ADAMTS3: variants seen among roughly 807,000 people sequenced by gnomAD.
The protein encoded by ADAMTS3 is ADAM metallopeptidase with thrombospondin type 1 motif 3.
In ADAMTS3, 73 loss-of-function variants were observed where a neutral mutation model predicts 129.0. The observed-to-expected ratio is 0.57, with a 90% CI of 0.47 to 0.69. ADAMTS3 has a LOEUF of 0.69. ADAMTS3 is among the 30% of genes least tolerant of loss of function. The probability of loss-of-function intolerance (pLI) is 0.00; values close to 1 mark genes in which losing one functional copy is unlikely to be tolerated. For synonymous variants in ADAMTS3, 477 were observed against 510.8 expected (o/e 0.93, Z 0.89); for missense variants, 1,457 against 1,514.5 (o/e 0.96, Z 0.63).
chr4:72,493,294 G>A (rs752295934), intron 3 of ADAMTS3, among the ~76,000 whole-genome samples: 1 of 151,814 alleles, frequency 6.6e-6, no homozygotes, highest in Non-Finnish European at 1.5e-5. Context: ...CAGTGGTTTT[G>A]TCTGTCTCAT....
At chr4:72,523,315 A>G (rs926504899) in intron 3 of ADAMTS3, among the ~76,000 whole-genome samples, 4 of 152,082 alleles carry the variant, frequency 2.6e-5, no homozygotes, top group Admixed American at 1.3e-4. Context: ...GAAAAGCATA[A>G]TTTCTAAAGT....
At chr4:72,326,089 G>GA (rs1238239341) in intron 5 of ADAMTS3, among the ~76,000 whole-genome samples, 1 of 152,034 alleles carries the variant, frequency 6.6e-6, no homozygotes, top group Non-Finnish European at 1.5e-5. Context: ...AGGCTAATTA[G>GA]AAAACAGGGT....
chr4:72,509,996 G>A (rs1239998895), intron 3 of ADAMTS3, among the ~76,000 whole-genome samples: 1 of 151,700 alleles, frequency 6.6e-6, no homozygotes, highest in Non-Finnish European at 1.5e-5. Flanking sequence ...CATATCAACA[G>A]GATGAAGAAT....
chr4:72,363,245 G>T (rs1720774152), intron 4 of ADAMTS3, among the ~76,000 whole-genome samples: 1 of 151,974 alleles, frequency 6.6e-6, no homozygotes, highest in Non-Finnish European at 1.5e-5. Flanking sequence ...GAGATAGTAT[G>T]GAAACATAAC....
intron 3 of ADAMTS3, among the ~76,000 whole-genome samples, chr4:72,475,234 T>C (rs1258987015): frequency 6.6e-6 from 1 of 151,856 alleles, no homozygotes; most frequent in Admixed American, 6.6e-5. Context: ...AGATGAAATT[T>C]AAAAGCATAA....
At chr4:72,400,844 T>A (rs1721894797) in intron 4 of ADAMTS3, among the ~76,000 whole-genome samples, 1 of 151,260 alleles carries the variant, frequency 6.6e-6, no homozygotes, top group Admixed American at 6.6e-5. Flanking sequence ...TATATATATG[T>A]GTATATATCT....
At chr4:72,510,912 C>T (rs1034255356) in intron 3 of ADAMTS3, among the ~76,000 whole-genome samples, 3 of 147,928 alleles carry the variant, frequency 2.0e-5, no homozygotes, top group African/African-American at 5.0e-5. Flanking sequence ...CAGCATGATA[C>T]TGGTATAAAA....
At chr4:72,366,937 C>G (rs1720884451) in intron 4 of ADAMTS3, among the ~76,000 whole-genome samples, 1 of 151,874 alleles carries the variant, frequency 6.6e-6, no homozygotes, top group African/African-American at 2.4e-5. Context: ...TCTCTCTTTT[C>G]TCCTTTCTCT....
chr4:72,470,303 C>T (rs1258764712), intron 3 of ADAMTS3, among the ~76,000 whole-genome samples: 1 of 150,348 alleles, frequency 6.7e-6, no homozygotes, highest in East Asian at 2.0e-4. Context: ...TAATCACCAC[C>T]TACCTCTCTG....
chr4:72,333,187 T>C (rs1421766087), intron 5 of ADAMTS3, among the ~76,000 whole-genome samples: 1 of 152,230 alleles, frequency 6.6e-6, no homozygotes, highest in East Asian at 1.9e-4. Flanking sequence ...AAAATGTTAG[T>C]AGTGTAAGCC....
intron 3 of ADAMTS3, among the ~76,000 whole-genome samples, chr4:72,540,205 G>C (rs1201182052): frequency 1.3e-5 from 2 of 152,130 alleles, no homozygotes; most frequent in Non-Finnish European, 2.9e-5. Flanking sequence ...TGAGGAACTT[G>C]TTGGGAACTG....
At chr4:72,483,651 C>T (rs766458876) in intron 3 of ADAMTS3, among the ~76,000 whole-genome samples, 5 of 152,140 alleles carry the variant, frequency 3.3e-5, no homozygotes, top group Admixed American at 1.3e-4. Flanking sequence ...TAGTATCCAA[C>T]CTAGCTGCAA....
intron 3 of ADAMTS3, among the ~76,000 whole-genome samples, chr4:72,529,169 A>G (rs1340324925): frequency 6.6e-6 from 1 of 152,196 alleles, no homozygotes; most frequent in Non-Finnish European, 1.5e-5. Context: ...CAGAGGCAGG[A>G]AAATTTTAAA....
chr4:72,560,930 C>A (rs918880548), intron 2 of ADAMTS3, among the ~76,000 whole-genome samples: 2 of 152,022 alleles, frequency 1.3e-5, no homozygotes, highest in African/African-American at 4.8e-5. Flanking sequence ...AGGTTACCAG[C>A]TAGAAAGCGG....
At chr4:72,316,022 G>A (rs1719387153) in intron 10 of ADAMTS3, 51 bp from the exon 11 acceptor site, 1 of 1,133,232 alleles carries the variant, frequency 8.8e-7, no homozygotes, top group African/African-American at 1.6e-5. Context: ...AGCATGACAT[G>A]CACCAAAAAT....
rs574793623 is a variant in ADAMTS3, at chr4:72,463,181, G to A, written c.505-48210C>T. Among the ~76,000 whole-genome samples, 4 of 152,102 alleles carry A rather than the reference G, an allele frequency of 2.6e-5. 1 individual carries two copies. The South Asian group carries it at 8.3e-4, about 32-fold the overall frequency. On this transcript the variant is annotated intron_variant, in intron 3 of 21. Transcript: ENST00000286657. ...CAGTAACATACTGTACAGGTTTGTA[G>A]CCTAGGATCAATAGACTATAAGGCA... is the stretch of plus-strand genomic sequence containing the variant.
intron 3 of ADAMTS3, among the ~76,000 whole-genome samples, chr4:72,482,669 T>C (rs1719470613): frequency 6.6e-6 from 1 of 152,068 alleles, no homozygotes; most frequent in African/African-American, 2.4e-5. Context: ...CAGAAAAGAG[T>C]ACACTGAATC....
chr4:72,407,752 G>A lies in ADAMTS3; in HGVS notation c.661+7063C>T, dbSNP rs182318037. ...AAAAGCACTGAACAAGTTAGAGTGG[G>A]GGCATGTAAGTGGTTACAGTAGTTC... On this transcript the variant is annotated intron_variant, in intron 4 of 21. Transcript: ENST00000286657. Among the ~76,000 whole-genome samples the A allele has an allele frequency of 2.0e-5, 3 of 152,180 alleles. No homozygotes were observed. The East Asian group carries it at 5.8e-4, about 29-fold the overall frequency.
At chr4:72,418,708 C>G (rs2170411) in intron 3 of ADAMTS3, among the ~76,000 whole-genome samples, 107,966 of 152,128 alleles carry the variant, frequency 0.71, 38,535 homozygotes, top group South Asian at 0.8. Context: ...TAAGCCCAGG[C>G]AGAAGAGACA....
Sources: gnomAD v4.1 joint callset for allele counts (sites outside exome capture counted in the v4.1 genomes callset) on GRCh38, gnomAD v4.1.1 for gene constraint, MANE v1.5 for transcripts, NCBI Gene and HGNC (gene_info 2026-07-23, HGNC 2026-07-21) for gene names.